The following MAF variants were observed in gnomAD, a reference collection of about 807,000 sequenced individuals.
MAF encodes the protein transcription factor Maf.
Under a neutral mutation model 22.0 loss-of-function variants are expected in MAF, and 10 were observed. The observed-to-expected ratio is 0.45, with a 90% confidence interval of 0.28 to 0.77. MAF has a LOEUF of 0.77. Ranked by LOEUF, MAF falls within the 30% of genes least tolerant of loss-of-function variation. The pLI is 0.12. For synonymous variants in MAF, 337 were observed against 255.8 expected (o/e 1.32, Z -3.03); for missense variants, 544 against 548.4 (o/e 0.99, Z 0.08).
chr16:79,215,105 G>A, the MAF span, among the ~76,000 whole-genome samples: 1 of 152,210 alleles, frequency 6.6e-6, no homozygotes, highest in East Asian at 1.9e-4. Context: ...GTGTCAATCT[G>A]CTGTTGTCCA....
chr16:79,339,939 C>T, the MAF span, among the ~76,000 whole-genome samples: 1 of 152,148 alleles, frequency 6.6e-6, no homozygotes, highest in African/African-American at 2.4e-5. Context: ...GCAAGTTCTT[C>T]AATTTAAAAA....
At chr16:79,552,742 T>A in the MAF span, among the ~76,000 whole-genome samples, 9 of 152,206 alleles carry the variant, frequency 5.9e-5, no homozygotes, top group Non-Finnish European at 1.3e-4. Flanking sequence ...CTGGATTTGC[T>A]ACCACCAGAC....
chr16:79,354,164 T>C, the MAF span, among the ~76,000 whole-genome samples: 2 of 151,800 alleles, frequency 1.3e-5, no homozygotes, highest in Non-Finnish European at 2.9e-5. Context: ...CTAATTTTTT[T>C]GGGTTTTCAG....
At chr16:79,213,749 T>A in the MAF span, among the ~76,000 whole-genome samples, 1 of 152,140 alleles carries the variant, frequency 6.6e-6, no homozygotes, top group African/African-American at 2.4e-5. Context: ...GCTGTGCCAA[T>A]TCAGAGGAGA....
the MAF span, among the ~76,000 whole-genome samples, chr16:79,250,585 G>A: frequency 3.3e-5 from 5 of 152,136 alleles, no homozygotes; most frequent in African/African-American, 9.7e-5. Flanking sequence ...GGTGCTTGGG[G>A]AAGGCTCTAC....
the MAF span, among the ~76,000 whole-genome samples, chr16:79,376,575 G>A: frequency 9.9e-5 from 15 of 151,780 alleles, no homozygotes; most frequent in Admixed American, 2.6e-4. Context: ...TGTGCACGAC[G>A]TGCAGGTTTG....
At chr16:79,273,190 A>G in the MAF span, among the ~76,000 whole-genome samples, 1 of 151,932 alleles carries the variant, frequency 6.6e-6, no homozygotes, top group African/African-American at 2.4e-5. Context: ...CCTGCTTTCA[A>G]CCCCTAGGGA....
chr16:79,348,361 T>A, the MAF span, among the ~76,000 whole-genome samples: 1 of 152,206 alleles, frequency 6.6e-6, no homozygotes, highest in East Asian at 1.9e-4. Context: ...GAAGACAGAA[T>A]AAGAATATGA....
At chr16:79,250,687 A>G in the MAF span, among the ~76,000 whole-genome samples, 1 of 152,136 alleles carries the variant, frequency 6.6e-6, no homozygotes. Flanking sequence ...ATTTATAGAG[A>G]ATCTGGGATT....
At chr16:79,392,658 C>T in the MAF span, among the ~76,000 whole-genome samples, 2 of 152,072 alleles carry the variant, frequency 1.3e-5, no homozygotes, top group South Asian at 2.1e-4. Flanking sequence ...TACAAATGAA[C>T]GAGGATTCAG....
At chr16:79,312,905 C>A in the MAF span, among the ~76,000 whole-genome samples, 1 of 152,090 alleles carries the variant, frequency 6.6e-6, no homozygotes, top group Non-Finnish European at 1.5e-5. Context: ...TGTTTAAACC[C>A]AAAAGTGGCC....
chr16:79,493,829 G>C, the MAF span, among the ~76,000 whole-genome samples: 2 of 151,650 alleles, frequency 1.3e-5, no homozygotes, highest in African/African-American at 4.8e-5. Flanking sequence ...GAAAGACTTT[G>C]CTTCCCCCAA....
At chr16:79,266,038 C>A in the MAF span, among the ~76,000 whole-genome samples, 2 of 151,248 alleles carry the variant, frequency 1.3e-5, no homozygotes, top group Non-Finnish European at 2.9e-5. Context: ...CTTTTCTTTT[C>A]TTTTTCTTTT....
the MAF span, among the ~76,000 whole-genome samples, chr16:79,528,058 C>G: frequency 1.3e-5 from 2 of 152,174 alleles, no homozygotes; most frequent in African/African-American, 2.4e-5. Context: ...AGGAGAATCA[C>G]TTGAACCTGG....
chr16:79,518,639 G>C, the MAF span, among the ~76,000 whole-genome samples: 2 of 152,220 alleles, frequency 1.3e-5, no homozygotes, highest in African/African-American at 2.4e-5. Flanking sequence ...ACTTTACATA[G>C]TAAAGTTATC....
chr16:79,368,453 T>G, the MAF span, among the ~76,000 whole-genome samples: 1 of 152,150 alleles, frequency 6.6e-6, no homozygotes, highest in Non-Finnish European at 1.5e-5. Context: ...CCATCTGATT[T>G]GCAGTGGTTT....
chr16:79,517,552 G>C, the MAF span, among the ~76,000 whole-genome samples: 1 of 149,292 alleles, frequency 6.7e-6, no homozygotes, highest in Non-Finnish European at 1.5e-5. Context: ...GTGAGGTTTT[G>C]AGTGGACTGT....
At chr16:79,360,449 G>T in the MAF span, among the ~76,000 whole-genome samples, 1 of 152,168 alleles carries the variant, frequency 6.6e-6, no homozygotes, top group African/African-American at 2.4e-5. Flanking sequence ...GAGTCATGTG[G>T]CTGTGTGCCA....
chr16:79,542,227 A>C, the MAF span, among the ~76,000 whole-genome samples: 1 of 152,128 alleles, frequency 6.6e-6, no homozygotes, highest in Non-Finnish European at 1.5e-5. Context: ...AGGAGGAGGA[A>C]ACAGGAAGTC....
Sources: allele counts gnomAD v4.1 joint callset (sites outside exome capture counted in the v4.1 genomes callset), GRCh38; gene constraint gnomAD v4.1.1; transcripts MANE v1.5; gene names NCBI Gene and HGNC (gene_info 2026-07-23, HGNC 2026-07-21).